The following ROBO2 variants were observed in gnomAD, a reference collection of about 807,000 sequenced individuals.
ROBO2 encodes the protein roundabout homolog 2.
In ROBO2, 53 loss-of-function variants were observed where a neutral mutation model predicts 160.8. The ratio of observed to expected loss-of-function variants is 0.33; its 90% confidence interval spans 0.26 to 0.41. The LOEUF is 0.41. ROBO2 is among the 10% of genes least tolerant of loss of function. The pLI is 1.00. For missense variants in ROBO2, 1,577 were observed against 1,722.4 expected (o/e 0.92, Z 1.49); for synonymous variants, 664 against 611.7 (o/e 1.09, Z -1.26).
At chr3:76,294,868 A>G (rs1055277184) in intron 2 of ROBO2, among the ~76,000 whole-genome samples, 1 of 152,164 alleles carries the variant, frequency 6.6e-6, no homozygotes, top group Non-Finnish European at 1.5e-5. Context: ...GAAGTGGAAA[A>G]CTGTCTTGAT....
intron 2 of ROBO2, among the ~76,000 whole-genome samples, chr3:76,705,384 A>G (rs972619294): frequency 2.6e-5 from 4 of 152,156 alleles, no homozygotes; most frequent in Non-Finnish European, 5.9e-5. Flanking sequence ...CAAAAATCAT[A>G]CACACAGTGA....
chr3:77,151,411 G>A (rs1431825955), intron 2 of ROBO2, among the ~76,000 whole-genome samples: 1 of 152,100 alleles, frequency 6.6e-6, no homozygotes, highest in African/African-American at 2.4e-5. Flanking sequence ...TTTATTTAAG[G>A]CGAGGTAAAT....
intron 2 of ROBO2, among the ~76,000 whole-genome samples, chr3:76,866,310 T>C (rs1369176466): frequency 1.3e-5 from 2 of 152,164 alleles, no homozygotes; most frequent in African/African-American, 2.4e-5. Context: ...GTAAACATAA[T>C]CTTTGGAAGA....
chr3:76,884,535 T>C (rs1203801719), intron 2 of ROBO2, among the ~76,000 whole-genome samples: 1 of 152,114 alleles, frequency 6.6e-6, no homozygotes, highest in Non-Finnish European at 1.5e-5. Context: ...AAATCAGAAT[T>C]CACCAGGCAA....
At chr3:76,889,808 GT>G (rs2074199296) in intron 2 of ROBO2, among the ~76,000 whole-genome samples, 1 of 152,094 alleles carries the variant, frequency 6.6e-6, no homozygotes, top group South Asian at 2.1e-4. Flanking sequence ...GGTTGTATTT[GT>G]TTTTTGTTTT....
At chr3:76,659,981 C>T (rs1035205970) in intron 2 of ROBO2, among the ~76,000 whole-genome samples, 6 of 152,146 alleles carry the variant, frequency 3.9e-5, no homozygotes. Context: ...TTCCAGACCT[C>T]CCTTGGTGAA....
chr3:76,950,776 G>C (rs774695582), intron 2 of ROBO2, among the ~76,000 whole-genome samples: 1 of 152,130 alleles, frequency 6.6e-6, no homozygotes, highest in Non-Finnish European at 1.5e-5. Context: ...GCCCAGGCTG[G>C]AGTGCAGTTG....
intron 2 of ROBO2, among the ~76,000 whole-genome samples, chr3:76,214,469 C>G (rs746612271): frequency 6.6e-6 from 1 of 152,180 alleles, no homozygotes; most frequent in Admixed American, 6.5e-5. Context: ...CACCCTAATA[C>G]TGTGCTTTTC....
At chr3:76,670,193 C>G (rs1336411523) in intron 2 of ROBO2, among the ~76,000 whole-genome samples, 4 of 152,058 alleles carry the variant, frequency 2.6e-5, no homozygotes, top group African/African-American at 9.7e-5. Flanking sequence ...ATAAAACTTG[C>G]ATGCAAGTTA....
chr3:76,777,629 G>A (rs189227541), intron 2 of ROBO2, among the ~76,000 whole-genome samples: 53 of 150,020 alleles, frequency 3.5e-4, no homozygotes, highest in African/African-American at 1.2e-3. Flanking sequence ...TGTTAGTGAC[G>A]TTCCTTATAT....
chr3:76,891,460 C>T (rs1380521594), intron 2 of ROBO2, among the ~76,000 whole-genome samples: 3 of 152,044 alleles, frequency 2.0e-5, no homozygotes, highest in Middle Eastern at 3.2e-3. Context: ...TGTTTATGTT[C>T]GTGGATCTAT....
chr3:77,445,058 C>G (rs571750568), intron 2 of ROBO2, among the ~76,000 whole-genome samples: 19 of 152,144 alleles, frequency 1.2e-4, no homozygotes, highest in African/African-American at 4.3e-4. Context: ...GTGCCACATC[C>G]GTTTGGTGAC....
chr3:76,693,306 G>GTA (rs540978468), intron 2 of ROBO2, among the ~76,000 whole-genome samples: 2,255 of 148,786 alleles, frequency 0.015, 35 homozygotes, highest in South Asian at 0.042. Context: ...TGTAGTGTGT[G>GTA]TATATATATA....
At chr3:77,056,209 C>G (rs1221549510) in intron 1 of ROBO2, among the ~76,000 whole-genome samples, 2 of 152,134 alleles carry the variant, frequency 1.3e-5, no homozygotes, top group African/African-American at 4.8e-5. Flanking sequence ...TGTTTCCCAG[C>G]TTTTTTCTCT....
chr3:77,616,314 G>A (rs2094774634), intron 21 of ROBO2, among the ~76,000 whole-genome samples: 1 of 152,064 alleles, frequency 6.6e-6, no homozygotes, highest in African/African-American at 2.4e-5. Context: ...GATTAAGCTG[G>A]AAAGATGAGT....
At chr3:75,953,287 A>G (rs1314805978) in intron 2 of ROBO2, among the ~76,000 whole-genome samples, 1 of 151,878 alleles carries the variant, frequency 6.6e-6, no homozygotes, top group Non-Finnish European at 1.5e-5. Flanking sequence ...AGACTTTTGG[A>G]TATTGGCCAT....
intron 6 of ROBO2, among the ~76,000 whole-genome samples, chr3:77,546,008 T>C (rs1274923628): frequency 6.6e-6 from 1 of 152,106 alleles, no homozygotes; most frequent in Non-Finnish European, 1.5e-5. Context: ...TTTATTTATT[T>C]AAAAAGCAGA....
chr3:76,606,784 T>C (rs4855985), intron 2 of ROBO2, among the ~76,000 whole-genome samples: 88,400 of 151,888 alleles, frequency 0.58, 25,998 homozygotes, highest in East Asian at 0.74. Context: ...TCTGATTTCA[T>C]AATAATGTCT....
intron 2 of ROBO2, among the ~76,000 whole-genome samples, chr3:76,529,143 A>G (rs2082098403): frequency 6.6e-6 from 1 of 152,182 alleles, no homozygotes; most frequent in Non-Finnish European, 1.5e-5. Context: ...TAAAACAGAC[A>G]AGAGAATAAC....
Sources: gnomAD v4.1 joint callset for allele counts (sites outside exome capture counted in the v4.1 genomes callset) on GRCh38, gnomAD v4.1.1 for gene constraint, MANE v1.5 for transcripts, NCBI Gene and HGNC (gene_info 2026-07-23, HGNC 2026-07-21) for gene names.